The following NOVA1 variants were observed in gnomAD, a reference collection of about 807,000 sequenced individuals.
NOVA1 encodes the protein RNA-binding protein Nova-1.
A neutral mutation model predicts 38.0 loss-of-function variants in NOVA1; 7 were observed. The ratio of observed to expected loss-of-function variants is 0.18; its 90% CI spans 0.10 to 0.35. The LOEUF (loss-of-function observed/expected upper bound fraction) is 0.35. Ranked by LOEUF, NOVA1 falls within the 10% of genes least tolerant of loss-of-function variation. The pLI is 1.00. For synonymous variants in NOVA1, 270 were observed against 232.5 expected (o/e 1.16, Z -1.47); for missense variants, 460 against 616.0 (o/e 0.75, Z 2.68).
At chr14:26,508,917 A>C (rs1166672106) in intron 2 of NOVA1, among the ~76,000 whole-genome samples, 3 of 151,984 alleles carry the variant, frequency 2.0e-5, no homozygotes, top group Non-Finnish European at 2.9e-5. Flanking sequence ...TAGATAAGCA[A>C]ACTAGCCCAT....
At chr14:26,505,995 TAAAG>T (rs997103196) in intron 2 of NOVA1, among the ~76,000 whole-genome samples, 2 of 152,138 alleles carry the variant, frequency 1.3e-5, no homozygotes, top group African/African-American at 2.4e-5. Flanking sequence ...TAGTGAAATT[TAAAG>T]AAATTAATTT....
At chr14:26,587,320 A>AAAC (rs1358555795) in intron 2 of NOVA1, among the ~76,000 whole-genome samples, 58 of 150,418 alleles carry the variant, frequency 3.9e-4, no homozygotes, top group African/African-American at 1.3e-3. Flanking sequence ...AAAAAAAAAA[A>AAAC]AAACAAAAAT....
intron 4 of NOVA1, among the ~76,000 whole-genome samples, chr14:26,466,722 T>C (rs1322526451): frequency 6.6e-6 from 1 of 152,164 alleles, no homozygotes; most frequent in African/African-American, 2.4e-5. Flanking sequence ...TGGGGCCTTT[T>C]GGGAGGTGTT....
At chr14:26,544,039 C>G (rs1890636978) in intron 2 of NOVA1, among the ~76,000 whole-genome samples, 1 of 151,820 alleles carries the variant, frequency 6.6e-6, no homozygotes, top group African/African-American at 2.4e-5. Context: ...AGACTCATGC[C>G]CTCAGTCTGG....
chr14:26,592,237 T>C (rs773037905), intron 2 of NOVA1, among the ~76,000 whole-genome samples: 11 of 151,480 alleles, frequency 7.3e-5, no homozygotes, highest in Non-Finnish European at 1.5e-4. Context: ...CATATCCTTA[T>C]GCCAAATAAA....
intron 4 of NOVA1, among the ~76,000 whole-genome samples, chr14:26,453,360 A>T (rs912844119): frequency 6.6e-6 from 1 of 152,116 alleles, no homozygotes; most frequent in Non-Finnish European, 1.5e-5. Flanking sequence ...GGTGTGAGCC[A>T]CTGTACCCAG....
chr14:26,549,669 A>G (rs1456231084), intron 2 of NOVA1: 1 of 1,215,516 alleles, frequency 8.2e-7, no homozygotes, highest in South Asian at 1.3e-5. Context: ...GCAGGTACAC[A>G]AGAAACTTAC....
chr14:26,510,542 T>C (rs570942491), intron 2 of NOVA1, among the ~76,000 whole-genome samples: 1 of 152,130 alleles, frequency 6.6e-6, no homozygotes, highest in East Asian at 1.9e-4. Flanking sequence ...CCACATACTT[T>C]GTAGAGAGAA....
At chr14:26,513,473 T>G (rs916428926) in intron 2 of NOVA1, among the ~76,000 whole-genome samples, 1 of 151,794 alleles carries the variant, frequency 6.6e-6, no homozygotes, top group Non-Finnish European at 1.5e-5. Context: ...TAATCTGATT[T>G]TCTAAATCAT....
At chr14:26,490,963 C>T (rs1886293709) in intron 2 of NOVA1, among the ~76,000 whole-genome samples, 1 of 151,524 alleles carries the variant, frequency 6.6e-6, no homozygotes, top group Non-Finnish European at 1.5e-5. Flanking sequence ...CATTCTCCTG[C>T]CTCAGCCTCC....
At chr14:26,582,391 G>A (rs2138773078) in intron 2 of NOVA1, among the ~76,000 whole-genome samples, 1 of 151,864 alleles carries the variant, frequency 6.6e-6, no homozygotes, top group Non-Finnish European at 1.5e-5. Context: ...TGAATATTAT[G>A]TCCATGAGAA....
chr14:26,453,506 GA>G (rs953540925), intron 4 of NOVA1, among the ~76,000 whole-genome samples: 8 of 151,968 alleles, frequency 5.3e-5, no homozygotes, highest in Non-Finnish European at 1.0e-4. Flanking sequence ...ACTGTTATCA[GA>G]AAAAAGTAAT....
Position 26,446,035 on chromosome 14 carries a change from C to G in NOVA1, c.*1924G>C, listed in dbSNP as rs1013896020. ...GATAAATAGTCATTACCAATTAACA[C>G]AGTTTACTACAGCTTTTCTCTTTCA... On this transcript the variant is annotated 3_prime_UTR_variant, in exon 5 of 5. Coordinates refer to ENST00000539517, the MANE Select transcript of NOVA1 (RefSeq NM_002515.3). 3 of 152,474 alleles carry G rather than the reference C, an allele frequency of 2.0e-5. No homozygotes were observed. The highest frequency in any genetic ancestry group is 2.9e-5 in the Non-Finnish European group (2 of 68,012). The allele number at this position is 152,474 out of a possible 1,614,324, so 9.4% of individuals were successfully genotyped here.
At chr14:26,559,688 T>C (rs927232214) in intron 2 of NOVA1, among the ~76,000 whole-genome samples, 1 of 152,044 alleles carries the variant, frequency 6.6e-6, no homozygotes, top group African/African-American at 2.4e-5. Flanking sequence ...GCTACAACCG[T>C]GGATCTCATG....
At chr14:26,574,457 T>C (rs1159562131) in intron 2 of NOVA1, among the ~76,000 whole-genome samples, 2 of 152,120 alleles carry the variant, frequency 1.3e-5, no homozygotes, top group Non-Finnish European at 1.5e-5. Flanking sequence ...ATGTCATTCA[T>C]ACTTAATTTA....
At chr14:26,506,328 T>C (rs906667403) in intron 2 of NOVA1, among the ~76,000 whole-genome samples, 5 of 152,192 alleles carry the variant, frequency 3.3e-5, no homozygotes, top group Non-Finnish European at 5.9e-5. Flanking sequence ...CTTAGTGGTA[T>C]TGCTTGGATC....
intron 4 of NOVA1, among the ~76,000 whole-genome samples, chr14:26,461,108 G>A (rs1883626056): frequency 6.6e-6 from 1 of 152,114 alleles, no homozygotes; most frequent in Non-Finnish European, 1.5e-5. Flanking sequence ...AACCACCTTT[G>A]CCTACCAAGT....
At chr14:26,470,510 A>G in intron 4 of NOVA1, 1 of 1,467,320 alleles carries the variant, frequency 6.8e-7, no homozygotes, top group Non-Finnish European at 9.6e-7. Context: ...AGAACAGAAG[A>G]AAACAGAGTA....
At chr14:26,570,372 T>C (rs1892395407) in intron 2 of NOVA1, among the ~76,000 whole-genome samples, 1 of 149,026 alleles carries the variant, frequency 6.7e-6, no homozygotes, top group South Asian at 2.1e-4. Context: ...AAATAAAATG[T>C]ATAAACTATG....
Sources: allele counts gnomAD v4.1 joint callset (sites outside exome capture counted in the v4.1 genomes callset), GRCh38; gene constraint gnomAD v4.1.1; transcripts MANE v1.5; gene names NCBI Gene and HGNC (gene_info 2026-07-23, HGNC 2026-07-21).